Variants in BMAL1 observed in about 807,000 individuals in gnomAD.
BMAL1 encodes the protein basic helix-loop-helix ARNT-like protein 1.
the BMAL1 span, among the ~76,000 whole-genome samples, chr11:13,344,269 A>G: frequency 3.3e-5 from 5 of 152,176 alleles, no homozygotes; most frequent in African/African-American, 9.6e-5. Flanking sequence ...TACCTTACCT[A>G]TGCTCCACTA....
the BMAL1 span, chr11:13,277,895 G>C: frequency 1.3e-5 from 2 of 151,524 alleles, no homozygotes; most frequent in East Asian, 3.9e-4. Context: ...GAGTGCGGGC[G>C]CGGGCGCGGG....
the BMAL1 span, among the ~76,000 whole-genome samples, chr11:13,288,197 T>A: frequency 2.0e-5 from 3 of 152,102 alleles, no homozygotes; most frequent in African/African-American, 7.2e-5. Flanking sequence ...ATGGTGGGAA[T>A]TTAAGTATGG....
the BMAL1 span, among the ~76,000 whole-genome samples, chr11:13,286,045 A>AG: frequency 1.3e-5 from 2 of 152,338 alleles, 1 homozygote; most frequent in South Asian, 4.1e-4. Flanking sequence ...GTAAGGCACT[A>AG]GGTGGAAACT....
At chr11:13,311,416 G>A in the BMAL1 span, among the ~76,000 whole-genome samples, 95 of 152,274 alleles carry the variant, frequency 6.2e-4, no homozygotes, top group African/African-American at 2.1e-3. Flanking sequence ...CAGGGAGAAC[G>A]GACCTGAAGG....
chr11:13,360,495 G>A, the BMAL1 span: 2 of 1,417,690 alleles, frequency 1.4e-6, no homozygotes, highest in Non-Finnish European at 2.0e-6. Context: ...CAGCATGTGG[G>A]AATTTGATGT....
the BMAL1 span, among the ~76,000 whole-genome samples, chr11:13,341,915 T>A: frequency 6.6e-6 from 1 of 152,172 alleles, no homozygotes; most frequent in Non-Finnish European, 1.5e-5. Context: ...AGGCCAAGGG[T>A]CAGGAAGAGA....
the BMAL1 span, among the ~76,000 whole-genome samples, chr11:13,322,209 C>T: frequency 6.3e-3 from 952 of 152,288 alleles, 6 homozygotes; most frequent in Non-Finnish European, 0.01. Flanking sequence ...TGAGAAGGAA[C>T]GTCGGCTTCC....
chr11:13,343,890 C>G, the BMAL1 span, among the ~76,000 whole-genome samples: 1 of 152,152 alleles, frequency 6.6e-6, no homozygotes, highest in Non-Finnish European at 1.5e-5. Context: ...AAATCTTACC[C>G]CTTGCAGGAT....
At chr11:13,336,704 G>C in the BMAL1 span, among the ~76,000 whole-genome samples, 1 of 152,186 alleles carries the variant, frequency 6.6e-6, no homozygotes, top group African/African-American at 2.4e-5. Context: ...TGTGCCTGTT[G>C]GGTTGATGCC....
chr11:13,336,702 T>C, the BMAL1 span, among the ~76,000 whole-genome samples: 1 of 152,184 alleles, frequency 6.6e-6, no homozygotes, highest in East Asian at 1.9e-4. Context: ...TGTGTGCCTG[T>C]TGGGTTGATG....
chr11:13,330,605 C>A, the BMAL1 span, among the ~76,000 whole-genome samples: 1 of 152,192 alleles, frequency 6.6e-6, no homozygotes, highest in Non-Finnish European at 1.5e-5. Flanking sequence ...AGATGTAGAG[C>A]GAAATTATTG....
the BMAL1 span, among the ~76,000 whole-genome samples, chr11:13,301,025 A>G: frequency 2.8e-4 from 43 of 152,046 alleles, no homozygotes; most frequent in African/African-American, 9.7e-4. Flanking sequence ...GCAACTTCTG[A>G]CTACCTGATT....
At chr11:13,362,790 T>C in the BMAL1 span, among the ~76,000 whole-genome samples, 1 of 152,146 alleles carries the variant, frequency 6.6e-6, no homozygotes, top group Non-Finnish European at 1.5e-5. Flanking sequence ...CATGGGCATG[T>C]GACCTCTGCA....
chr11:13,369,726 T>G, the BMAL1 span: 9 of 1,613,810 alleles, frequency 5.6e-6, no homozygotes, highest in Non-Finnish European at 5.9e-6. Flanking sequence ...TCAGTAAAGG[T>G]TGAAGACAAG....
chr11:13,284,210 G>T, the BMAL1 span, among the ~76,000 whole-genome samples: 1 of 20,024 alleles, frequency 5.0e-5, no homozygotes, highest in African/African-American at 2.1e-4. Flanking sequence ...ATATATATAT[G>T]TGTATATATA....
chr11:13,332,160 G>A, the BMAL1 span, among the ~76,000 whole-genome samples: 1 of 152,282 alleles, frequency 6.6e-6, no homozygotes, highest in East Asian at 1.9e-4. Context: ...TCAGGGCTGT[G>A]GGCAGATCCA....
At chr11:13,372,538 A>C in the BMAL1 span, 2 of 1,395,754 alleles carry the variant, frequency 1.4e-6, no homozygotes, top group Admixed American at 2.2e-5. Flanking sequence ...AGCTGGGTGC[A>C]GTGGCTCACA....
At chr11:13,347,503 A>C in the BMAL1 span, among the ~76,000 whole-genome samples, 1 of 152,158 alleles carries the variant, frequency 6.6e-6, no homozygotes, top group African/African-American at 2.4e-5. Context: ...CAAAATGAGA[A>C]ATTTCATATG....
chr11:13,384,291 G>A, the BMAL1 span, among the ~76,000 whole-genome samples: 1 of 152,204 alleles, frequency 6.6e-6, no homozygotes, highest in Non-Finnish European at 1.5e-5. Context: ...GAGATAGGGA[G>A]TATTAATAAT....
Sources: allele counts gnomAD v4.1 joint callset (sites outside exome capture counted in the v4.1 genomes callset), GRCh38; gene constraint gnomAD v4.1.1; transcripts MANE v1.5; gene names NCBI Gene and HGNC (gene_info 2026-07-23, HGNC 2026-07-21).